TDRD9: variants seen among roughly 807,000 people sequenced by gnomAD.
The protein encoded by TDRD9 is tudor domain containing 9.
In TDRD9, 124 loss-of-function variants were observed where a neutral mutation model predicts 172.6. That is an observed-to-expected ratio of 0.72 (90% confidence interval 0.62 to 0.83). The LOEUF (loss-of-function observed/expected upper bound fraction) is 0.83. Among genes scored for constraint, TDRD9 ranks in the 40% least tolerant of loss-of-function variants. The probability of loss-of-function intolerance (pLI) is 0.00; values close to 1 mark genes in which losing one functional copy is unlikely to be tolerated. For missense variants in TDRD9, 1,479 were observed against 1,714.1 expected, an observed-to-expected ratio of 0.86 and a Z score of 2.42; for synonymous variants, 619 against 617.1, an observed-to-expected ratio of 1.00 and a Z score of -0.05.
At chr14:103,952,706 A>G (rs2031993814) in intron 1 of TDRD9, among the ~76,000 whole-genome samples, 2 of 129,960 alleles carry the variant, frequency 1.5e-5, no homozygotes, top group African/African-American at 2.8e-5. Context: ...TTCTTATCTT[A>G]GTGATTTATA....
chr14:104,002,333 A>AG (rs1333961355), intron 13 of TDRD9, among the ~76,000 whole-genome samples: 7 of 151,588 alleles, frequency 4.6e-5, no homozygotes, highest in Non-Finnish European at 8.8e-5. Flanking sequence ...AAAAAAAAAA[A>AG]AAAAGAAAAA....
At chr14:103,992,993 A>G (rs1183509664) in intron 9 of TDRD9, among the ~76,000 whole-genome samples, 1 of 151,694 alleles carries the variant, frequency 6.6e-6, no homozygotes, top group Admixed American at 6.6e-5. Context: ...TTTTTTAAGA[A>G]AGGGTCTTGC....
intron 24 of TDRD9, among the ~76,000 whole-genome samples, chr14:104,022,729 AAAATAAAT>A (rs139166055): frequency 4.8e-5 from 7 of 145,980 alleles, no homozygotes; most frequent in Non-Finnish European, 7.5e-5. Context: ...GCTGTCTTAA[AAAATAAAT>A]AAATAAATAA....
intron 8 of TDRD9, among the ~76,000 whole-genome samples, chr14:103,987,118 A>ATATG (rs1491130782): frequency 2.0e-5 from 1 of 50,186 alleles, no homozygotes; most frequent in Admixed American, 2.4e-4. Flanking sequence ...ATCTCAAAAA[A>ATATG]TATATACACA....
At position 103,982,925 on chromosome 14, in the gene TDRD9, A is replaced by G. The variant is rs145558867; in HGVS notation, c.1012-3292A>G. ...TCAAAAAACAAAACAAAACAAAATT[A>G]TAAAGAACACACTTAGAAAAAGGGT... On this transcript the variant is annotated intron_variant, in intron 7 of 35. Transcript: ENST00000409874. Among the ~76,000 whole-genome samples the G allele has an allele frequency of 6.7e-3, 1,013 of 152,296 alleles. 9 individuals carry two copies. Among genetic ancestry groups the G allele is most frequent in the African/African-American group, 0.023 (950 of 41,554 alleles).
chr14:103,983,288 C>T (rs2033550455), intron 7 of TDRD9, among the ~76,000 whole-genome samples: 1 of 151,868 alleles, frequency 6.6e-6, no homozygotes, highest in Admixed American at 6.6e-5. Context: ...GTCTTGAACT[C>T]CTGACCTCAA....
At chr14:104,017,351 C>T (rs2034825661) in intron 22 of TDRD9, among the ~76,000 whole-genome samples, 1 of 152,188 alleles carries the variant, frequency 6.6e-6, no homozygotes, top group Admixed American at 6.5e-5. Context: ...TCATTCTTCT[C>T]TGAGCCTCAC....
intron 8 of TDRD9, among the ~76,000 whole-genome samples, chr14:103,987,722 A>G (rs1017880420): frequency 1.3e-5 from 2 of 152,136 alleles, no homozygotes; most frequent in African/African-American, 4.8e-5. Flanking sequence ...AATGTCACTC[A>G]TTGTTTTTAG....
intron 1 of TDRD9, among the ~76,000 whole-genome samples, chr14:103,932,532 C>T (rs1026897905): frequency 7.0e-4 from 106 of 152,088 alleles, no homozygotes; most frequent in Non-Finnish European, 2.2e-4. Context: ...GGACTACAGG[C>T]GCCCGCCACC....
intron 1 of TDRD9, among the ~76,000 whole-genome samples, chr14:103,943,369 T>C (rs2031360581): frequency 1.3e-5 from 2 of 151,482 alleles, no homozygotes; most frequent in South Asian, 4.2e-4. Flanking sequence ...GTTTTATATA[T>C]GTACATATGT....
rs60498436 is a variant in TDRD9, at chr14:104,000,329, C to CA, written c.1483+1623dup. Among the ~76,000 whole-genome samples the CA allele has an allele frequency of 5.6e-3, 722 of 127,798 alleles. 5 individuals are homozygous for CA. Among genetic ancestry groups the CA allele is most frequent in the African/African-American group, 0.017 (525 of 30,068 alleles). The allele number at this position is 127,798 out of a possible 152,430, so 83.8% of individuals were successfully genotyped here. A position where few individuals can be genotyped will look rare whatever the true frequency, so the allele number is the denominator to read the frequency against. The stretch of plus-strand genomic sequence containing the variant: ...AGGTGACAGAATGAGAGCCCCGTCT[C>CA]AAAAAAAAAAAAAAAAAAAAAAGTC... On this transcript the variant is annotated intron_variant, in intron 13 of 35. Coordinates refer to ENST00000409874, the MANE Select transcript of TDRD9 (RefSeq NM_153046.3).
rs563071189 is a variant in TDRD9, at chr14:103,980,368, G to T, written c.1011+4815G>T. On this transcript the variant is annotated intron_variant, in intron 7 of 35. Transcript: ENST00000409874. This position sits in a 1 kb window ranked among gnomAD's most constrained non-coding sequence, Gnocchi z 4.5. ...GGTAAGGTCATGTGGGTCACGTGTC[G>T]ACTGGACAGGGGGCCCTTCCCTGCC... 6.6e-6 allele frequency among the ~76,000 whole-genome samples: 1 copy of T among 152,084 alleles called. No individual in the cohort carries two copies. The highest frequency in any genetic ancestry group is 2.4e-5 in the African/African-American group (1 of 41,402).
rs2035268456 is a variant in TDRD9, at chr14:104,031,187, A to G, written c.3362A>G (p.Lys1121Arg). Residue 1121 changes from lysine to arginine, a missense_variant, in exon 29 of 36, where the codon AAA (lysine) becomes AGA (arginine). Lys to Arg is a conservative substitution (Grantham distance 26). Coordinates refer to ENST00000409874, the MANE Select transcript of TDRD9 (RefSeq NM_153046.3). Reference protein sequence around the residue: ...MTDGSVPFPMKDDEKYLIRIL... With the variant: ...MTDGSVPFPMRDDEKYLIRIL... Reference sequence around the variant, plus strand: ...GATGGCTCTGTGCCCTTTCCCATGAAAGACGACGAGAAATATCTCATCCGG... The same window carrying G: ...GATGGCTCTGTGCCCTTTCCCATGAGAGACGACGAGAAATATCTCATCCGG... 2.6e-6 allele frequency: 4 copies of G among 1,551,796 alleles called. No homozygotes were observed. In the East Asian group the frequency reaches 9.8e-5, roughly 38 times the overall value.
intron 8 of TDRD9, 69 bp downstream of exon 8, chr14:103,986,389 C>T (rs1056105907): frequency 6.9e-5 from 81 of 1,168,044 alleles, no homozygotes; most frequent in Non-Finnish European, 8.7e-5. Flanking sequence ...CATTTGGAAA[C>T]GTTTTAGTGT....
intron 1 of TDRD9, among the ~76,000 whole-genome samples, chr14:103,937,374 C>T (rs1371183443): frequency 6.6e-6 from 1 of 152,198 alleles, no homozygotes; most frequent in Non-Finnish European, 1.5e-5. Flanking sequence ...CCCGTCGCTC[C>T]CTTCCCATTG....
chr14:103,955,540 T>A (rs1298608183), intron 1 of TDRD9, 124 bp from the exon 2 acceptor site: 4 of 605,690 alleles, frequency 6.6e-6, no homozygotes, highest in Non-Finnish European at 8.5e-6. Context: ...AGTTTGAGTG[T>A]ATATTCATTT....
chr14:104,041,217 TG>T (rs2035603299), intron 33 of TDRD9, among the ~76,000 whole-genome samples: 1 of 152,176 alleles, frequency 6.6e-6, no homozygotes, highest in African/African-American at 2.4e-5. Flanking sequence ...AAGGGGCTTA[TG>T]GGCTTGAAAA....
At chr14:103,973,653 T>C (rs1322143365) in intron 6 of TDRD9, among the ~76,000 whole-genome samples, 1 of 152,232 alleles carries the variant, frequency 6.6e-6, no homozygotes, top group African/African-American at 2.4e-5. Context: ...CAGGCTGCAC[T>C]CTGTGTCCTG....
chr14:103,992,715 A>G (rs1008242080), intron 9 of TDRD9, among the ~76,000 whole-genome samples: 1 of 152,046 alleles, frequency 6.6e-6, no homozygotes, highest in Non-Finnish European at 1.5e-5. Context: ...CGAGGTCAGG[A>G]GATCGAGACC....
Sources: allele counts gnomAD v4.1 joint callset (sites outside exome capture counted in the v4.1 genomes callset), GRCh38; gene constraint gnomAD v4.1.1; non-coding constraint Gnocchi (gnomAD v3.1); transcripts MANE v1.5; gene names NCBI Gene and HGNC (gene_info 2026-07-23, HGNC 2026-07-21).